Variants in COL11A1 observed in about 807,000 individuals in gnomAD.
COL11A1 encodes collagen alpha-1(XI) chain.
In COL11A1, 74 loss-of-function variants were observed where a neutral mutation model predicts 265.2. That is an observed-to-expected ratio of 0.28 (90% CI 0.23 to 0.34). COL11A1 has a LOEUF of 0.34. Ranked by LOEUF, COL11A1 falls within the 10% of genes least tolerant of loss-of-function variation. The pLI is 1.00. For synonymous variants in COL11A1, 816 were observed against 727.6 expected (o/e 1.12, Z -1.96); for missense variants, 2,165 against 2,263.6 (o/e 0.96, Z 0.88).
At chr1:102,985,703 C>T (rs1013230802) in intron 30 of COL11A1, among the ~76,000 whole-genome samples, 1 of 152,000 alleles carries the variant, frequency 6.6e-6, no homozygotes, top group African/African-American at 2.4e-5. Context: ...AAGAAAAGAA[C>T]TGTGGGGTAG....
Position 102,913,703 on chromosome 1 carries a change from A to G in COL11A1, c.3979-13T>C. Reference sequence around the variant, plus strand: ...CACCATCTTGACCCTATAAGAGGCAATAAAATATGAAGCAAGATATATCTC... The same window carrying G: ...CACCATCTTGACCCTATAAGAGGCAGTAAAATATGAAGCAAGATATATCTC... On this transcript the variant is annotated splice_polypyrimidine_tract_variant and intron_variant, in intron 52 of 66. Transcript: ENST00000370096. The G allele has an allele frequency of 6.2e-7, 1 of 1,612,250 alleles. No individual in the cohort carries two copies. Among genetic ancestry groups the G allele is most frequent in the African/African-American group, 1.3e-5 (1 of 74,972 alleles).
At chr1:102,927,253 T>A (rs1656699980) in intron 46 of COL11A1, among the ~76,000 whole-genome samples, 1 of 152,100 alleles carries the variant, frequency 6.6e-6, no homozygotes, top group Non-Finnish European at 1.5e-5. Context: ...CTAATACAAA[T>A]AATATACCAT....
intron 4 of COL11A1, among the ~76,000 whole-genome samples, chr1:103,038,813 C>T (rs1281705204): frequency 6.6e-6 from 1 of 152,026 alleles, no homozygotes; most frequent in Non-Finnish European, 1.5e-5. Context: ...GAAGCCAAGT[C>T]AGCCATACTA....
At chr1:103,043,186 GTATATATGA>G (rs1557986709) in intron 4 of COL11A1, among the ~76,000 whole-genome samples, 18 of 123,274 alleles carry the variant, frequency 1.5e-4, no homozygotes, top group African/African-American at 5.3e-4. Flanking sequence ...TATATATAAT[GTATATATGA>G]AATACATCAT....
rs1247463879 is a variant in COL11A1 at position 102,878,038 on chromosome 1, G to A, written c.5402C>T (p.Pro1801Leu). The change falls in exon 67 of 67, where the codon CCT (proline) becomes CTT (leucine). Residue 1801 changes from proline to leucine, a missense_variant. Physicochemically the swap from Pro to Leu is moderately conservative, Grantham distance 98 (BLOSUM62 -3). Transcript: ENST00000370096. Reference protein sequence around the residue: ...QNQKFGFEVGPVCFLG With the variant: ...QNQKFGFEVGLVCFLG Reference sequence around the variant, plus strand: ...TTAATCTTAGCCAAGAAAACAAACAGGACCAACTTCAAATCCGAACTTCTG... The same window carrying A: ...TTAATCTTAGCCAAGAAAACAAACAAGACCAACTTCAAATCCGAACTTCTG... The A allele has an allele frequency of 1.2e-6, 2 of 1,613,388 alleles. No homozygotes were observed. Among genetic ancestry groups the A allele is most frequent in the South Asian group, 2.2e-5 (2 of 91,070 alleles).
At chr1:103,092,246 T>A (rs775079285) in intron 1 of COL11A1, among the ~76,000 whole-genome samples, 1 of 152,080 alleles carries the variant, frequency 6.6e-6, no homozygotes, top group Non-Finnish European at 1.5e-5. Flanking sequence ...ATGAATATGG[T>A]TCAATACATA....
At chr1:102,896,201 G>T (rs1264993186) in intron 57 of COL11A1, among the ~76,000 whole-genome samples, 1 of 98,426 alleles carries the variant, frequency 1.0e-5, no homozygotes, top group East Asian at 3.2e-4. Flanking sequence ...TATAAATGAA[G>T]AACTTAAAGC....
At chr1:103,094,835 G>A (rs1673616038) in intron 1 of COL11A1, among the ~76,000 whole-genome samples, 1 of 151,846 alleles carries the variant, frequency 6.6e-6, no homozygotes, top group Non-Finnish European at 1.5e-5. Flanking sequence ...TGAAGTCTTA[G>A]GGGAGCCAAA....
rs773606108 is a variant in COL11A1 at position 102,940,425 on chromosome 1, C to G, written c.3286G>C (p.Gly1096Arg). 2 of 1,612,752 alleles carry G rather than the reference C, an allele frequency of 1.2e-6. No homozygotes were observed. Among genetic ancestry groups the G allele is most frequent in the African/African-American group, 1.3e-5 (1 of 74,988 alleles). Reference sequence around the variant, plus strand: ...TCTCTCCCTGCAGGCCCTTGGGGACCTTTTTCTCCCTGTATTGAATATCCA... The same window carrying G: ...TCTCTCCCTGCAGGCCCTTGGGGACGTTTTTCTCCCTGTATTGAATATCCA... Reference protein sequence around the residue: ...AGEKGAPGEKGPQGPAGRDGV... With the variant: ...AGEKGAPGEKRPQGPAGRDGV... The change falls in exon 43 of 67, where the codon GGT (glycine) becomes CGT (arginine). Residue 1096 changes from glycine to arginine, a missense_variant. By Grantham distance (125) the Gly-to-Arg change is moderately radical. Coordinates refer to ENST00000370096, the MANE Select transcript of COL11A1 (RefSeq NM_001854.4).
At chr1:102,910,219 T>C (rs1367149220) in intron 54 of COL11A1, among the ~76,000 whole-genome samples, 2 of 151,998 alleles carry the variant, frequency 1.3e-5, no homozygotes, top group Non-Finnish European at 1.5e-5. Flanking sequence ...TTAAAAAATT[T>C]TTCAAAAATA....
At chr1:102,920,492 A>G (rs1655863604) in intron 48 of COL11A1, 128 bp from the exon 49 acceptor site, 3 of 762,330 alleles carry the variant, frequency 3.9e-6, no homozygotes, top group Non-Finnish European at 6.8e-6. Flanking sequence ...TTAAAGAATG[A>G]GACTAAATGA....
chr1:103,079,057 A>C (rs866588705), intron 2 of COL11A1, among the ~76,000 whole-genome samples, 186 bp from the exon 3 acceptor site: 12 of 152,254 alleles, frequency 7.9e-5, no homozygotes, highest in African/African-American at 2.9e-4. Context: ...TATCCAAGCT[A>C]TAGTCAAACT....
In COL11A1 at chr1:103,026,330, A is replaced by G; in HGVS notation, c.783T>C (p.Tyr261=). 6.2e-7 allele frequency: 1 copy of G among 1,603,346 alleles called. No individual in the cohort carries two copies. The highest frequency in any genetic ancestry group is 8.5e-7 in the Non-Finnish European group (1 of 1,170,198). ...CATATTCGATTATATCCTCTGGTGC[A>G]TACTACATTGCAAAGGAAAAAATAT... ...AQAQEPQIDE[Y]APEDIIEYDY... The change falls in exon 6 of 67, where the codon TAT becomes TAC. Residue 261 remains tyrosine (Y), a splice_region_variant and synonymous_variant. Transcript: ENST00000370096.
intron 33 of COL11A1, 38 bp from the exon 34 acceptor site, chr1:102,978,951 C>T (rs1662774232): frequency 6.2e-7 from 1 of 1,613,056 alleles, no homozygotes; most frequent in Non-Finnish European, 8.5e-7. Context: ...AAACTAATGC[C>T]AGACAAATCC....
intron 36 of COL11A1, 24 bp from the exon 37 acceptor site, chr1:102,970,296 C>T: frequency 6.4e-7 from 1 of 1,570,714 alleles, no homozygotes; most frequent in Non-Finnish European, 8.8e-7. Flanking sequence ...TATTAAATAC[C>T]ACATGTCATA....
chr1:102,908,024 A>G (rs77899553), intron 54 of COL11A1, among the ~76,000 whole-genome samples: 13,949 of 152,140 alleles, frequency 0.092, 743 homozygotes, highest in Middle Eastern at 0.13. Flanking sequence ...CAAAACAGCC[A>G]TGCATAATAA....
At chr1:103,029,759 G>C (rs1178116112) in intron 5 of COL11A1, among the ~76,000 whole-genome samples, 1 of 151,790 alleles carries the variant, frequency 6.6e-6, no homozygotes, top group Non-Finnish European at 1.5e-5. Flanking sequence ...AATAGTAAAT[G>C]GCAAGTTCAT....
At chr1:103,007,044 C>T (rs891480188) in intron 15 of COL11A1, among the ~76,000 whole-genome samples, 28 of 151,780 alleles carry the variant, frequency 1.8e-4, no homozygotes, top group African/African-American at 5.6e-4. Context: ...TTTCATTGCG[C>T]TTATAATGTT....
At chr1:103,042,438 A>T (rs12125729) in intron 4 of COL11A1, among the ~76,000 whole-genome samples, 33,038 of 151,920 alleles carry the variant, frequency 0.22, 3,831 homozygotes, top group African/African-American at 0.27. Flanking sequence ...CTTGTTATTC[A>T]CTGTTGGCAC....
Sources: allele counts gnomAD v4.1 joint callset (sites outside exome capture counted in the v4.1 genomes callset), GRCh38; gene constraint gnomAD v4.1.1; transcripts MANE v1.5; gene names NCBI Gene and HGNC (gene_info 2026-07-23, HGNC 2026-07-21).